CNTN4: variants seen among roughly 807,000 people sequenced by gnomAD.
The protein encoded by CNTN4 is contactin-4.
In CNTN4, 77 loss-of-function variants were observed where a neutral mutation model predicts 122.5. The ratio of observed to expected loss-of-function variants is 0.63; its 90% CI spans 0.52 to 0.76. CNTN4 has a LOEUF of 0.76. CNTN4 is among the 30% of genes least tolerant of loss of function. The pLI, the probability that CNTN4 is intolerant of heterozygous loss-of-function variation, is 0.00. For synonymous variants in CNTN4, 512 were observed against 447.0 expected (o/e 1.15, Z -1.83); for missense variants, 1,256 against 1,259.1 (o/e 1.00, Z 0.04).
At chr3:2,775,670 C>T (rs892367114) in intron 6 of CNTN4, among the ~76,000 whole-genome samples, 4 of 152,180 alleles carry the variant, frequency 2.6e-5, no homozygotes, top group African/African-American at 9.7e-5. Flanking sequence ...ATCTGCCTGC[C>T]TTAGCCTCCC....
intron 14 of CNTN4, among the ~76,000 whole-genome samples, chr3:3,023,005 T>G (rs962692483): frequency 6.6e-6 from 1 of 152,178 alleles, no homozygotes; most frequent in Admixed American, 6.5e-5. Flanking sequence ...TATAGGTTCT[T>G]CCTGATCTCG....
At chr3:2,672,001 A>G (rs752065762) in intron 4 of CNTN4, among the ~76,000 whole-genome samples, 18 of 152,178 alleles carry the variant, frequency 1.2e-4, no homozygotes, top group Non-Finnish European at 2.1e-4. Flanking sequence ...AGCACCGGCC[A>G]TGTGAGGTGT....
intron 2 of CNTN4, among the ~76,000 whole-genome samples, chr3:2,164,036 G>A (rs959014779): frequency 6.6e-6 from 1 of 152,090 alleles, no homozygotes; most frequent in Non-Finnish European, 1.5e-5. Context: ...AGGGTAGGAG[G>A]TGGATGGGGG....
chr3:2,516,603 C>T (rs2077045836), intron 3 of CNTN4, among the ~76,000 whole-genome samples: 2 of 152,104 alleles, frequency 1.3e-5, no homozygotes, highest in Non-Finnish European at 2.9e-5. Context: ...AGGGCTTGTA[C>T]ATGGCTTCAT....
intron 2 of CNTN4, among the ~76,000 whole-genome samples, chr3:2,261,751 G>A (rs985892579): frequency 6.6e-6 from 1 of 152,102 alleles, no homozygotes; most frequent in African/African-American, 2.4e-5. Flanking sequence ...AGTTAGATGT[G>A]GAATTTTCAG....
chr3:3,038,449 C>T (rs1316927515), intron 18 of CNTN4, among the ~76,000 whole-genome samples: 2 of 152,186 alleles, frequency 1.3e-5, no homozygotes, highest in Non-Finnish European at 1.5e-5. Context: ...TCCGGAACGC[C>T]CCCCGCTTCT....
chr3:2,788,170 G>T (rs2091900587), intron 6 of CNTN4, among the ~76,000 whole-genome samples: 1 of 151,992 alleles, frequency 6.6e-6, no homozygotes, highest in Non-Finnish European at 1.5e-5. Context: ...ATGTGTATTG[G>T]GTACTTACCA....
chr3:2,538,733 A>T (rs534338002), intron 3 of CNTN4, among the ~76,000 whole-genome samples: 23 of 152,094 alleles, frequency 1.5e-4, no homozygotes, highest in African/African-American at 5.3e-4. Flanking sequence ...AGGAATGAAT[A>T]ACAAAGAAAT....
chr3:2,724,846 C>A (rs2088107602), intron 4 of CNTN4, among the ~76,000 whole-genome samples: 1 of 152,002 alleles, frequency 6.6e-6, no homozygotes, highest in Admixed American at 6.5e-5. Context: ...GTAGAAAGGG[C>A]AACCTCTCCA....
At chr3:2,929,546 G>A (rs1159853892) in intron 13 of CNTN4, among the ~76,000 whole-genome samples, 1 of 152,172 alleles carries the variant, frequency 6.6e-6, no homozygotes, top group Non-Finnish European at 1.5e-5. Flanking sequence ...ATGTATTTGA[G>A]AAGATCCAGG....
intron 2 of CNTN4, among the ~76,000 whole-genome samples, chr3:2,121,151 T>C (rs1419258926): frequency 6.6e-6 from 1 of 151,240 alleles, no homozygotes; most frequent in Non-Finnish European, 1.5e-5. Context: ...TTCCCCTTCC[T>C]CTCTTTGTTC....
At chr3:2,762,024 C>G (rs1265659982) in intron 6 of CNTN4, among the ~76,000 whole-genome samples, 1 of 152,112 alleles carries the variant, frequency 6.6e-6, no homozygotes, top group East Asian at 1.9e-4. Flanking sequence ...GCGTTGGACA[C>G]AGGGAATGCA....
chr3:2,226,121 A>G (rs1311423102), intron 2 of CNTN4, among the ~76,000 whole-genome samples: 10 of 151,574 alleles, frequency 6.6e-5, no homozygotes, highest in Non-Finnish European at 8.8e-5. Context: ...AAAATACGGC[A>G]CCCACGTTTT....
At chr3:2,591,615 CGGCCTCCCA>C (rs2080494520) in intron 4 of CNTN4, among the ~76,000 whole-genome samples, 1 of 51,670 alleles carries the variant, frequency 1.9e-5, no homozygotes, top group African/African-American at 6.5e-5. Context: ...CCGCCCGCCT[CGGCCTCCCA>C]AAGTGCTGGG....
At chr3:2,884,762 G>A (rs911002221) in intron 9 of CNTN4, among the ~76,000 whole-genome samples, 6 of 152,132 alleles carry the variant, frequency 3.9e-5, no homozygotes, top group South Asian at 2.1e-4. Flanking sequence ...CAGAATTCAC[G>A]TTGTTCACAC....
At chr3:2,370,616 G>T (rs1373996954) in intron 3 of CNTN4, among the ~76,000 whole-genome samples, 2 of 152,174 alleles carry the variant, frequency 1.3e-5, no homozygotes, top group Non-Finnish European at 2.9e-5. Flanking sequence ...AGAAAAAGTG[G>T]TTTGTAGTTT....
At chr3:2,466,942 GT>G (rs1226341671) in intron 3 of CNTN4, among the ~76,000 whole-genome samples, 3 of 136,024 alleles carry the variant, frequency 2.2e-5, no homozygotes, top group East Asian at 2.2e-4. Flanking sequence ...CGTTAAATTA[GT>G]TTTTTTCTTT....
intron 4 of CNTN4, among the ~76,000 whole-genome samples, chr3:2,701,751 G>T (rs1207845997): frequency 6.6e-6 from 1 of 152,224 alleles, no homozygotes; most frequent in African/African-American, 2.4e-5. Context: ...CCCTCATCTT[G>T]TGATTTCTCT....
intron 2 of CNTN4, among the ~76,000 whole-genome samples, chr3:2,253,711 G>A (rs1300289822): frequency 6.6e-6 from 1 of 151,342 alleles, no homozygotes; most frequent in Non-Finnish European, 1.5e-5. Context: ...GTGCCATCTC[G>A]GCTCACTGCA....
Sources: allele counts gnomAD v4.1 joint callset (sites outside exome capture counted in the v4.1 genomes callset), GRCh38; gene constraint gnomAD v4.1.1; transcripts MANE v1.5; gene names NCBI Gene and HGNC (gene_info 2026-07-23, HGNC 2026-07-21).